The following NCAM2 variants were observed in gnomAD, a reference collection of about 807,000 sequenced individuals.
NCAM2 encodes neural cell adhesion molecule 2.
NCAM2 carries 30 observed loss-of-function variants against 98.1 expected under a neutral mutation model. That is an observed-to-expected ratio of 0.31 (90% CI 0.23 to 0.41). NCAM2 has a LOEUF of 0.41. Ranked by LOEUF, NCAM2 falls within the 10% of genes least tolerant of loss-of-function variation. NCAM2 has a pLI of 1.00. For synonymous variants in NCAM2, 368 were observed against 342.4 expected (o/e 1.07, Z -0.83); for missense variants, 867 against 1,005.8 (o/e 0.86, Z 1.87).
At chr21:21,279,516 A>T (rs1029425913) in intron 1 of NCAM2, among the ~76,000 whole-genome samples, 4 of 151,394 alleles carry the variant, frequency 2.6e-5, no homozygotes, top group Admixed American at 6.6e-5. Context: ...CTGCCACCAC[A>T]CCCAGCTAAT....
intron 6 of NCAM2, among the ~76,000 whole-genome samples, chr21:21,330,371 C>A (rs1006510544): frequency 2.0e-5 from 3 of 151,728 alleles, no homozygotes; most frequent in Admixed American, 1.3e-4. Context: ...GTTTTTAATT[C>A]TCATGTTATT....
At position 21,477,435 on chromosome 21, in the gene NCAM2, G is replaced by A. The variant is rs1392766322; in HGVS notation, c.2041G>A (p.Glu681Lys). ...RLGYSEPTVY[E>K]FSMPPKPNII... ...GGGATATTCTGAACCGACAGTTTAT[G>A]AATTCAGCATGCCACCAAAGCCCAA... The change falls in exon 15 of 18, where the codon GAA becomes AAA. Residue 681 changes from glutamate (E) to lysine (K), a missense_variant. Physicochemically the swap from Glu to Lys is moderately conservative, Grantham distance 56. This residue lies in a region of NCAM2 where 234 missense variants were observed against 333.8 expected (regional missense o/e 0.70). Coordinates refer to ENST00000400546, the MANE Select transcript of NCAM2 (RefSeq NM_004540.5). 1.2e-6 allele frequency: 2 copies of A among 1,606,306 alleles called. No homozygotes were observed. Among genetic ancestry groups the A allele is most frequent in the Non-Finnish European group, 1.7e-6 (2 of 1,175,006 alleles).
chr21:21,301,813 A>G (rs2073724551), intron 5 of NCAM2, among the ~76,000 whole-genome samples: 2 of 150,744 alleles, frequency 1.3e-5, no homozygotes, highest in Admixed American at 1.3e-4. Context: ...ACATGAACAG[A>G]CACTTCTCAA....
intron 1 of NCAM2, among the ~76,000 whole-genome samples, chr21:21,037,280 G>A (rs1003335142): frequency 1.3e-5 from 2 of 152,098 alleles, no homozygotes; most frequent in African/African-American, 4.8e-5. Context: ...CTATAGCTAA[G>A]GTCATGGTAT....
chr21:21,232,325 C>G (rs1406691062), intron 1 of NCAM2, among the ~76,000 whole-genome samples: 1 of 151,582 alleles, frequency 6.6e-6, no homozygotes, highest in Non-Finnish European at 1.5e-5. Context: ...CAATAAAAAA[C>G]AGATTACTGA....
chr21:21,299,508 G>T (rs1413635057), intron 5 of NCAM2, among the ~76,000 whole-genome samples: 1 of 151,672 alleles, frequency 6.6e-6, no homozygotes, highest in Admixed American at 6.6e-5. Flanking sequence ...TTTTTATGCA[G>T]ATATGCTTAA....
intron 7 of NCAM2, among the ~76,000 whole-genome samples, chr21:21,336,152 G>T (rs2074860792): frequency 6.6e-6 from 1 of 152,020 alleles, no homozygotes; most frequent in Non-Finnish European, 1.5e-5. Flanking sequence ...GTAACTTATA[G>T]AGCATATAAA....
chr21:21,440,548 G>T (rs1373414152), intron 12 of NCAM2, among the ~76,000 whole-genome samples: 1 of 152,014 alleles, frequency 6.6e-6, no homozygotes, highest in Non-Finnish European at 1.5e-5. Flanking sequence ...GGGTGTGGTG[G>T]CAGGCGCCTG....
chr21:21,245,322 G>T (rs1284740429), intron 1 of NCAM2, among the ~76,000 whole-genome samples: 1 of 152,040 alleles, frequency 6.6e-6, no homozygotes, highest in Non-Finnish European at 1.5e-5. Flanking sequence ...AAACTTTTCT[G>T]TCTTACCACA....
At chr21:21,439,408 C>T (rs1190187783) in intron 12 of NCAM2, among the ~76,000 whole-genome samples, 2 of 152,104 alleles carry the variant, frequency 1.3e-5, no homozygotes, top group African/African-American at 2.4e-5. Context: ...GGATTACAGG[C>T]GTGAGCCACT....
chr21:21,252,362 A>G (rs1294332372), intron 1 of NCAM2, among the ~76,000 whole-genome samples: 1 of 150,292 alleles, frequency 6.7e-6, no homozygotes, highest in Non-Finnish European at 1.5e-5. Flanking sequence ...AATCTTTATT[A>G]TATAAAATTA....
chr21:21,473,958 T>C (rs929992337), intron 14 of NCAM2, among the ~76,000 whole-genome samples: 3 of 140,664 alleles, frequency 2.1e-5, no homozygotes, highest in African/African-American at 3.2e-5. Flanking sequence ...CAAATGACCA[T>C]TTTTTTTCAG....
chr21:21,307,635 C>G (rs1044724621), intron 5 of NCAM2, among the ~76,000 whole-genome samples: 1 of 152,122 alleles, frequency 6.6e-6, no homozygotes, highest in African/African-American at 2.4e-5. Flanking sequence ...CCTCTTTCTT[C>G]TGTTGGACTG....
chr21:21,386,357 T>C (rs376776469), intron 9 of NCAM2, among the ~76,000 whole-genome samples: 13 of 152,216 alleles, frequency 8.5e-5, no homozygotes, highest in Non-Finnish European at 1.5e-4. Context: ...TCTTGTCTTA[T>C]GACCCTGACT....
intron 1 of NCAM2, among the ~76,000 whole-genome samples, chr21:21,016,267 C>A (rs1055983090): frequency 6.6e-6 from 1 of 152,070 alleles, no homozygotes; most frequent in Non-Finnish European, 1.5e-5. Context: ...AATGAAGGAT[C>A]GAGAATATTG....
chr21:21,267,652 T>G (rs2072335255), intron 1 of NCAM2, among the ~76,000 whole-genome samples: 1 of 152,170 alleles, frequency 6.6e-6, no homozygotes, highest in Non-Finnish European at 1.5e-5. Context: ...GCAATTTTCT[T>G]GTGTGAAACA....
At chr21:21,030,927 A>G (rs1030738322) in intron 1 of NCAM2, among the ~76,000 whole-genome samples, 17 of 149,722 alleles carry the variant, frequency 1.1e-4, no homozygotes, top group African/African-American at 2.0e-4. Flanking sequence ...ACTGATAAAT[A>G]TTAATATAGT....
intron 1 of NCAM2, among the ~76,000 whole-genome samples, chr21:21,007,325 G>A (rs1331449624): frequency 2.0e-5 from 3 of 152,140 alleles, no homozygotes; most frequent in Admixed American, 6.6e-5. Flanking sequence ...AGGGGTCCCA[G>A]TCCAGAACCT....
intron 1 of NCAM2, among the ~76,000 whole-genome samples, chr21:21,126,865 TG>T (rs1022013071): frequency 1.8e-4 from 27 of 152,036 alleles, no homozygotes; most frequent in African/African-American, 6.5e-4. Flanking sequence ...GTCATTTTTT[TG>T]TAAGTTAAAA....
Sources: allele counts gnomAD v4.1 joint callset (sites outside exome capture counted in the v4.1 genomes callset), GRCh38; gene constraint gnomAD v4.1.1; regional missense constraint gnomAD v4.1.1; transcripts MANE v1.5; gene names NCBI Gene and HGNC (gene_info 2026-07-23, HGNC 2026-07-21).